IMMP2L: variants seen among roughly 807,000 people sequenced by gnomAD.
IMMP2L encodes the protein inner mitochondrial membrane peptidase subunit 2, also known as mitochondrial inner membrane protease subunit 2.
In IMMP2L, 18 loss-of-function variants were observed where a neutral mutation model predicts 19.3. The observed-to-expected ratio is 0.93, with a 90% confidence interval of 0.64 to 1.38. The LOEUF is 1.38. Among genes scored for constraint, IMMP2L ranks in the 40% most tolerant of loss-of-function variants. The pLI is 0.00. For synonymous variants in IMMP2L, 76 were observed against 73.0 expected, an observed-to-expected ratio of 1.04 and a Z score of -0.21; for missense variants, 233 against 218.2, an observed-to-expected ratio of 1.07 and a Z score of -0.43.
chr7:111,315,103 G>A (rs1341232645), intron 3 of IMMP2L, among the ~76,000 whole-genome samples: 3 of 152,026 alleles, frequency 2.0e-5, no homozygotes, highest in Admixed American at 6.6e-5. Context: ...CCAGAATATC[G>A]TTGACTTTTT....
rs149093371 is a variant in IMMP2L, at chr7:111,523,357, T to C, written c.-2-1908A>G. ...AGATTTAACCATTCCACAATGTACATGTACTTCAAAACATTATGTTGTATA... is the reference window on the plus strand; with the variant it reads ...AGATTTAACCATTCCACAATGTACACGTACTTCAAAACATTATGTTGTATA... On this transcript the variant is annotated intron_variant, in intron 1 of 5. Transcript: ENST00000405709. Among the ~76,000 whole-genome samples the C allele has an allele frequency of 4.3e-4, 65 of 152,232 alleles. 1 individual carries two copies. The East Asian group carries it at 0.012, about 28-fold the overall frequency.
intron 3 of IMMP2L, among the ~76,000 whole-genome samples, chr7:111,364,956 T>C (rs2131031450): frequency 6.7e-6 from 1 of 148,452 alleles, no homozygotes; most frequent in African/African-American, 2.5e-5. Context: ...GGCGACAGAG[T>C]GAGACTCTGT....
intron 3 of IMMP2L, among the ~76,000 whole-genome samples, chr7:111,100,869 A>C (rs1364946154): frequency 6.6e-6 from 1 of 151,680 alleles, no homozygotes; most frequent in Non-Finnish European, 1.5e-5. Context: ...AAATTGAACA[A>C]GTAGAACAAT....
intron 3 of IMMP2L, among the ~76,000 whole-genome samples, chr7:110,983,029 A>C (rs1010727438): frequency 7.2e-5 from 11 of 152,150 alleles, no homozygotes; most frequent in African/African-American, 2.6e-4. Flanking sequence ...TAAATATCCC[A>C]CTTATAATTT....
At chr7:110,729,412 G>A (rs1168536002) in intron 5 of IMMP2L, among the ~76,000 whole-genome samples, 2 of 152,096 alleles carry the variant, frequency 1.3e-5, no homozygotes, top group Non-Finnish European at 2.9e-5. Context: ...GATCTCAGGA[G>A]AACTCACTCA....
rs565729154 is a variant in IMMP2L, at chr7:111,260,821, A to G, written c.239+226417T>C. Among the ~76,000 whole-genome samples the G allele has an allele frequency of 1.1e-3, 171 of 152,232 alleles. 1 individual carries two copies. Among genetic ancestry groups the G allele is most frequent in the Middle Eastern group, 3.4e-3 (1 of 294 alleles). On this transcript the variant is annotated intron_variant, in intron 3 of 5. Coordinates refer to ENST00000405709, the MANE Select transcript of IMMP2L (RefSeq NM_032549.4). ...AATACGTGACAATAGAGAATTTTTTATTGTCTTATCAAGCTTCCCATTTGT... is the reference window on the plus strand; with the variant it reads ...AATACGTGACAATAGAGAATTTTTTGTTGTCTTATCAAGCTTCCCATTTGT...
chr7:110,894,304 G>A (rs190870318), intron 4 of IMMP2L, among the ~76,000 whole-genome samples: 1 of 152,306 alleles, frequency 6.6e-6, no homozygotes, highest in East Asian at 1.9e-4. Context: ...AAGGGGTGAG[G>A]GATGGGACCT....
At chr7:111,019,570 G>C (rs1486008713) in intron 3 of IMMP2L, among the ~76,000 whole-genome samples, 1 of 152,056 alleles carries the variant, frequency 6.6e-6, no homozygotes, top group Non-Finnish European at 1.5e-5. Flanking sequence ...AAAGAAAAAA[G>C]GATTTAGCCT....
At chr7:111,033,123 T>C (rs922858821) in intron 3 of IMMP2L, among the ~76,000 whole-genome samples, 2 of 151,950 alleles carry the variant, frequency 1.3e-5, no homozygotes, top group Non-Finnish European at 1.5e-5. Flanking sequence ...CCATCTCAAA[T>C]AATAAATAAA....
intron 5 of IMMP2L, among the ~76,000 whole-genome samples, chr7:110,824,113 A>T (rs2131348283): frequency 6.6e-6 from 1 of 152,258 alleles, no homozygotes; most frequent in South Asian, 2.1e-4. Context: ...CAGGAGATTT[A>T]ACGCTGCTCA....
At chr7:110,756,113 G>C (rs1450705413) in intron 5 of IMMP2L, among the ~76,000 whole-genome samples, 2 of 152,070 alleles carry the variant, frequency 1.3e-5, no homozygotes, top group Non-Finnish European at 2.9e-5. Flanking sequence ...TTAAAATCTA[G>C]ACTAGAAATG....
chr7:111,332,445 C>G (rs914741886), intron 3 of IMMP2L, among the ~76,000 whole-genome samples: 4 of 151,816 alleles, frequency 2.6e-5, no homozygotes, highest in African/African-American at 9.7e-5. Context: ...AAGAAGGACA[C>G]GTTTTAACGC....
intron 3 of IMMP2L, among the ~76,000 whole-genome samples, chr7:111,317,155 T>C (rs1824200266): frequency 6.6e-6 from 1 of 152,088 alleles, no homozygotes; most frequent in South Asian, 2.1e-4. Flanking sequence ...TGTACAGACA[T>C]GAAAGTGTCT....
At chr7:111,086,567 C>A (rs1184700351) in intron 3 of IMMP2L, among the ~76,000 whole-genome samples, 1 of 152,220 alleles carries the variant, frequency 6.6e-6, no homozygotes. Flanking sequence ...ACCCAACTTG[C>A]TTTAGTTCAA....
chr7:111,323,249 A>T (rs1465017907), intron 3 of IMMP2L, among the ~76,000 whole-genome samples: 2 of 152,094 alleles, frequency 1.3e-5, no homozygotes, highest in African/African-American at 2.4e-5. Context: ...CATCTGACAA[A>T]GGGCTAATAT....
At chr7:110,818,141 C>T (rs1261451916) in intron 5 of IMMP2L, among the ~76,000 whole-genome samples, 2 of 152,066 alleles carry the variant, frequency 1.3e-5, no homozygotes, top group Non-Finnish European at 2.9e-5. Context: ...AGAGTTTCTG[C>T]ACAGCAAAAG....
At chr7:111,265,798 A>C (rs1817769718) in intron 3 of IMMP2L, among the ~76,000 whole-genome samples, 1 of 152,180 alleles carries the variant, frequency 6.6e-6, no homozygotes, top group Non-Finnish European at 1.5e-5. Context: ...ATGAGAAAGA[A>C]AGAGAAAGAA....
chr7:111,170,128 C>T (rs764999684), intron 3 of IMMP2L, among the ~76,000 whole-genome samples: 17 of 151,720 alleles, frequency 1.1e-4, no homozygotes, highest in Non-Finnish European at 2.4e-4. Flanking sequence ...TATATTTTGG[C>T]ACATATTATG....
rs1317118412 is a variant in IMMP2L at position 110,727,951 on chromosome 7, A to G, written c.409-64230T>C. ...AGCTCTGCATTGCATACCCACACACATGTAATTCTGCTCACTTCTGTTAAC... is the reference window on the plus strand; with the variant it reads ...AGCTCTGCATTGCATACCCACACACGTGTAATTCTGCTCACTTCTGTTAAC... On this transcript the variant is annotated intron_variant, in intron 5 of 5. Coordinates refer to ENST00000405709, the MANE Select transcript of IMMP2L (RefSeq NM_032549.4). This position sits in a 1 kb window ranked among gnomAD's most constrained non-coding sequence, Gnocchi z 4.3. 6.6e-6 allele frequency among the ~76,000 whole-genome samples: 1 copy of G among 152,204 alleles called. No individual in the cohort carries two copies. The highest frequency in any genetic ancestry group is 2.4e-5 in the African/African-American group (1 of 41,454).
Sources: gnomAD v4.1 joint callset for allele counts (sites outside exome capture counted in the v4.1 genomes callset) on GRCh38, gnomAD v4.1.1 for gene constraint, Gnocchi (gnomAD v3.1) non-coding constraint, MANE v1.5 for transcripts, NCBI Gene and HGNC (gene_info 2026-07-23, HGNC 2026-07-21) for gene names.